Variants in HERC1 observed in about 807,000 individuals in gnomAD.
The protein encoded by HERC1 is probable E3 ubiquitin-protein ligase HERC1.
In HERC1, 160 loss-of-function variants were observed where a neutral mutation model predicts 554.3. That is an observed-to-expected ratio of 0.29 (90% CI 0.25 to 0.33). The LOEUF (loss-of-function observed/expected upper bound fraction) is 0.33, where lower values mean the gene tolerates loss of function less well. Among genes scored for constraint, HERC1 ranks in the 10% least tolerant of loss-of-function variants. The probability of loss-of-function intolerance (pLI) is 1.00; values close to 1 mark genes in which losing one functional copy is unlikely to be tolerated. For synonymous variants in HERC1, 2,175 were observed against 2,131.7 expected, an observed-to-expected ratio of 1.02 and a Z score of -0.56; for missense variants, 4,919 against 5,918.5, an observed-to-expected ratio of 0.83 and a Z score of 5.54.
intron 18 of HERC1, among the ~76,000 whole-genome samples, chr15:63,723,954 T>C (rs2073930718): frequency 6.6e-6 from 1 of 152,218 alleles, no homozygotes; most frequent in Non-Finnish European, 1.5e-5. Flanking sequence ...TTCTAAGTGA[T>C]GATGAGGTTC....
At chr15:63,642,667 A>G (rs1446982373) in intron 59 of HERC1, among the ~76,000 whole-genome samples, 2 of 152,182 alleles carry the variant, frequency 1.3e-5, no homozygotes, top group Non-Finnish European at 2.9e-5. Flanking sequence ...ACTGTCAAAA[A>G]TCATGGCAGA....
intron 18 of HERC1, among the ~76,000 whole-genome samples, chr15:63,724,789 T>A (rs183656939): frequency 3.9e-4 from 60 of 152,110 alleles, no homozygotes; most frequent in Admixed American, 3.9e-3. Context: ...TATATACAAA[T>A]GGGAGATGCT....
intron 1 of HERC1, among the ~76,000 whole-genome samples, chr15:63,788,435 T>C (rs1342350081): frequency 2.0e-5 from 3 of 152,224 alleles, no homozygotes; most frequent in Admixed American, 1.3e-4. Context: ...GGAAGAATTC[T>C]ATCATGACTT....
chr15:63,729,212 T>A (rs1395559913), intron 16 of HERC1, 24 bp downstream of exon 16: 10 of 1,580,540 alleles, frequency 6.3e-6, no homozygotes, highest in Non-Finnish European at 8.6e-6. Flanking sequence ...ACTGATTAAA[T>A]TTGAAATGAA....
intron 2 of HERC1, among the ~76,000 whole-genome samples, chr15:63,769,710 G>A (rs2075891567): frequency 6.6e-6 from 1 of 151,890 alleles, no homozygotes; most frequent in South Asian, 2.1e-4. Flanking sequence ...AAAAAAATTA[G>A]CCAGGCATGG....
At chr15:63,649,433 T>C (rs2069555175) in intron 54 of HERC1, among the ~76,000 whole-genome samples, 1 of 152,080 alleles carries the variant, frequency 6.6e-6, no homozygotes, top group East Asian at 1.9e-4. Flanking sequence ...TCTTGGACAG[T>C]CCTAACTTTC....
intron 63 of HERC1, among the ~76,000 whole-genome samples, chr15:63,638,195 T>G (rs1705829800): frequency 6.6e-6 from 1 of 152,218 alleles, no homozygotes; most frequent in South Asian, 2.1e-4. Context: ...TGTTAGTTCA[T>G]TAAACTTGAA....
rs1203956620 is a variant in HERC1 at position 63,622,893 on chromosome 15, T to G, written c.13612-2A>C. ...GTCAACAATACCAGTTTCAAGTTCCTGCAGAAGAAAGAAAAAAATTTTTTG... is the reference window on the plus strand; with the variant it reads ...GTCAACAATACCAGTTTCAAGTTCCGGCAGAAGAAAGAAAAAAATTTTTTG... On this transcript the variant is annotated splice_acceptor_variant, in intron 73 of 77. Transcript: ENST00000443617. LOFTEE classifies it high-confidence loss of function. 6.3e-7 allele frequency: 1 copy of G among 1,585,730 alleles called. No homozygotes were observed. Among genetic ancestry groups the G allele is most frequent in the Admixed American group, 1.9e-5 (1 of 53,706 alleles).
In HERC1 at chr15:63,624,143, C is replaced by T. The variant is rs907472110; in HGVS notation, c.13445+15G>A. On this transcript the variant is annotated intron_variant, in intron 72 of 77. Coordinates refer to ENST00000443617, the MANE Select transcript of HERC1 (RefSeq NM_003922.4). The stretch of plus-strand genomic sequence containing the variant: ...AATCACAGCTCATTAGTCAAACACA[C>T]ATACATATGCTAACCTGGTTGATAT... 6.3e-6 allele frequency: 10 copies of T among 1,588,366 alleles called. No individual in the cohort carries two copies. The highest frequency in any genetic ancestry group is 8.6e-6 in the Non-Finnish European group (10 of 1,165,910).
At chr15:63,833,201 C>G (rs2078215420) in intron 1 of HERC1, among the ~76,000 whole-genome samples, 1 of 152,200 alleles carries the variant, frequency 6.6e-6, no homozygotes, top group Non-Finnish European at 1.5e-5. Context: ...CCCCGCCTCG[C>G]CTCCCGGTTG....
chr15:63,760,616 T>C (rs2075580971), intron 3 of HERC1, among the ~76,000 whole-genome samples: 1 of 151,670 alleles, frequency 6.6e-6, no homozygotes. Context: ...CTAAGAGTAA[T>C]GAAAGACAAA....
At chr15:63,753,199 T>A in intron 7 of HERC1, 114 bp from the exon 8 acceptor site, 1 of 660,694 alleles carries the variant, frequency 1.5e-6, no homozygotes, top group Non-Finnish European at 2.2e-6. Context: ...CTGGCAGATA[T>A]GAAAAGCTAT....
intron 1 of HERC1, among the ~76,000 whole-genome samples, chr15:63,815,462 G>A (rs978232893): frequency 1.3e-5 from 2 of 152,190 alleles, no homozygotes; most frequent in Non-Finnish European, 1.5e-5. Flanking sequence ...ACTGCAGAAG[G>A]TTGTGTAAAG....
chr15:63,811,628 T>C (rs370186297), intron 1 of HERC1, among the ~76,000 whole-genome samples: 12 of 151,406 alleles, frequency 7.9e-5, no homozygotes, highest in East Asian at 3.9e-4. Flanking sequence ...GCTAACATGG[T>C]GAAACCCCGT....
At chr15:63,745,012 T>C in intron 12 of HERC1, among the ~76,000 whole-genome samples, 1 of 152,164 alleles carries the variant, frequency 6.6e-6, no homozygotes, top group Admixed American at 6.5e-5. Context: ...GGCAGTGGGT[T>C]CCCTTCTGGC....
rs2076068459 is a variant in HERC1 at position 63,774,703 on chromosome 15, C to T, written c.921G>A (p.Arg307=). 1.9e-6 allele frequency: 3 copies of T among 1,599,652 alleles called. No homozygotes were observed. The highest frequency in any genetic ancestry group is 2.6e-6 in the Non-Finnish European group (3 of 1,173,998). The change falls in exon 2 of 78, where the codon AGG becomes AGA. Residue 307 remains arginine, a synonymous_variant. Transcript: ENST00000443617. ...DCFMTILMQM[R]RSLGSSADRS... is the part of the protein sequence containing the mutation. Reference sequence around the variant, plus strand: ...GACTTATAGTACGTACCAAAGAACGCCTCATCTGCATTAATATGGTCATAA... The same window carrying T: ...GACTTATAGTACGTACCAAAGAACGTCTCATCTGCATTAATATGGTCATAA...
chr15:63,680,482 G>A lies in HERC1; in HGVS notation c.6465+55C>T. The A allele has an allele frequency of 6.3e-7, 1 of 1,581,036 alleles. No homozygotes were observed. Among genetic ancestry groups the A allele is most frequent in the Non-Finnish European group, 8.6e-7 (1 of 1,162,154 alleles). The stretch of plus-strand genomic sequence containing the variant: ...GAATACGTGGCACTTGAATAACCGA[G>A]TTGACTATAAATAGAAACAAGAAAA... On this transcript the variant is annotated intron_variant, in intron 35 of 77. Coordinates refer to ENST00000443617, the MANE Select transcript of HERC1 (RefSeq NM_003922.4). This position sits in a 1 kb window ranked among gnomAD's most constrained non-coding sequence, Gnocchi z 5.8.
At position 63,775,105 on chromosome 15, in the gene HERC1, T is replaced by C. The variant is rs375337283; in HGVS notation, c.519A>G (p.Leu173=). 8 of 1,613,902 alleles carry C rather than the reference T, an allele frequency of 5.0e-6. No individual in the cohort carries two copies. The African/African-American group carries it at 6.7e-5, about 13-fold the overall frequency. ...RTGLSLLFAL[L]RQSWMMPVSG... ...ACACAGGCATCATCCAACTTTGTCT[T>C]AGAAGCGCAAATAATAAACTTAGAC... The change falls in exon 2 of 78, where the codon CTA becomes CTG. Residue 173 remains leucine, a synonymous_variant. Coordinates refer to ENST00000443617, the MANE Select transcript of HERC1 (RefSeq NM_003922.4). This position sits in a 1 kb window ranked among gnomAD's most constrained non-coding sequence, Gnocchi z 4.0.
In HERC1 at chr15:63,716,389, C is replaced by T. The variant is rs1314012810; in HGVS notation, c.4063G>A (p.Glu1355Lys). 1.2e-6 allele frequency: 2 copies of T among 1,613,820 alleles called. No individual in the cohort carries two copies. Among genetic ancestry groups the T allele is most frequent in the East Asian group, 2.2e-5 (1 of 44,872 alleles). Residue 1355 changes from glutamate to lysine, a missense_variant, in exon 22 of 78, where the codon GAA becomes AAA. Physicochemically the swap from Glu to Lys is moderately conservative, Grantham distance 56. Transcript: ENST00000443617. ...TCTTCCCGGTCTCTCTCAGCCTGTT[C>T]TTCCATTTCAGCTTCTTCATCAATA... ...RTIDEEAEME[E>K]QAERDREEGH...
Sources: gnomAD v4.1 joint callset for allele counts (sites outside exome capture counted in the v4.1 genomes callset) on GRCh38, gnomAD v4.1.1 for gene constraint, Gnocchi (gnomAD v3.1) non-coding constraint, MANE v1.5 for transcripts, NCBI Gene and HGNC (gene_info 2026-07-23, HGNC 2026-07-21) for gene names.